GRAMD1B: variants seen among roughly 807,000 people sequenced by gnomAD.
GRAMD1B encodes the protein protein Aster-B.
GRAMD1B carries 37 observed loss-of-function variants against 99.7 expected under a neutral mutation model. The ratio of observed to expected loss-of-function variants is 0.37; its 90% CI spans 0.29 to 0.49. The LOEUF is 0.49. GRAMD1B is among the 20% of genes least tolerant of loss of function. The pLI is 0.98. For synonymous variants in GRAMD1B, 427 were observed against 387.6 expected (o/e 1.10, Z -1.19); for missense variants, 888 against 1,009.2 (o/e 0.88, Z 1.63).
At chr11:123,528,744 T>C (rs1447301148) in intron 2 of GRAMD1B, among the ~76,000 whole-genome samples, 1 of 152,226 alleles carries the variant, frequency 6.6e-6, no homozygotes, top group African/African-American at 2.4e-5. Context: ...TTAGTTAGAC[T>C]TTTAAAAGTG....
At chr11:123,601,021 T>C (rs1343735520) in intron 8 of GRAMD1B, among the ~76,000 whole-genome samples, 1 of 151,998 alleles carries the variant, frequency 6.6e-6, no homozygotes, top group Admixed American at 6.6e-5. Context: ...TTGAATAATT[T>C]TGGCAGGCTG....
At chr11:123,592,141 C>T (rs1209395620) in intron 4 of GRAMD1B, among the ~76,000 whole-genome samples, 1 of 152,162 alleles carries the variant, frequency 6.6e-6, no homozygotes, top group Non-Finnish European at 1.5e-5. Context: ...TCCTGGTCGG[C>T]TGCTCCTCAG....
At chr11:123,405,623 G>A (rs1947829310) in intron 1 of GRAMD1B, among the ~76,000 whole-genome samples, 1 of 152,152 alleles carries the variant, frequency 6.6e-6, no homozygotes, top group Admixed American at 6.5e-5. Flanking sequence ...TTGACAGTGG[G>A]AGATACGGCC....
intron 2 of GRAMD1B, among the ~76,000 whole-genome samples, chr11:123,527,293 G>A (rs1167706329): frequency 3.9e-5 from 6 of 152,176 alleles, no homozygotes; most frequent in Admixed American, 3.9e-4. Context: ...GCCACATTTG[G>A]CCTTCCAGGC....
intron 3 of GRAMD1B, among the ~76,000 whole-genome samples, chr11:123,583,573 T>C (rs1053267078): frequency 6.6e-6 from 1 of 152,148 alleles, no homozygotes; most frequent in Non-Finnish European, 1.5e-5. Flanking sequence ...CAAGGCACGA[T>C]CTTAGCTATC....
intron 1 of GRAMD1B, among the ~76,000 whole-genome samples, chr11:123,444,070 C>T (rs999566195): frequency 2.0e-5 from 3 of 151,998 alleles, no homozygotes; most frequent in East Asian, 2.0e-4. Flanking sequence ...GTATTCAGAC[C>T]TTTAAAAGGT....
intron 1 of GRAMD1B, among the ~76,000 whole-genome samples, chr11:123,370,875 G>A (rs1388440171): frequency 6.6e-6 from 1 of 152,116 alleles, no homozygotes; most frequent in South Asian, 2.1e-4. Flanking sequence ...CATGAGCAGC[G>A]AGTTGGGGTC....
intron 1 of GRAMD1B, among the ~76,000 whole-genome samples, chr11:123,412,055 T>C (rs974083810): frequency 3.3e-5 from 5 of 152,230 alleles, no homozygotes; most frequent in Non-Finnish European, 7.4e-5. Flanking sequence ...GTAATACATA[T>C]ACATACACAG....
intron 1 of GRAMD1B, among the ~76,000 whole-genome samples, chr11:123,396,282 C>G (rs1985916): frequency 0.55 from 77,790 of 140,888 alleles, 23,724 homozygotes; most frequent in African/African-American, 0.85. Context: ...TCTTCTTCTT[C>G]TTTTTTTTTT....
chr11:123,608,490 A>G (rs1953046179), intron 11 of GRAMD1B, 169 bp from the exon 12 acceptor site: 2 of 1,526,010 alleles, frequency 1.3e-6, no homozygotes, highest in African/African-American at 1.4e-5. Context: ...ACCGAAAGCA[A>G]AGTCATAAAC....
chr11:123,621,900 TTC>T (rs1955169336), intron 19 of GRAMD1B, among the ~76,000 whole-genome samples: 1 of 47,824 alleles, frequency 2.1e-5, no homozygotes, highest in Non-Finnish European at 4.6e-5. Context: ...TTCTTTCTTT[TTC>T]TCTTTCTTTC....
chr11:123,543,709 C>T (rs902604926), intron 2 of GRAMD1B, among the ~76,000 whole-genome samples: 4 of 152,208 alleles, frequency 2.6e-5, no homozygotes, highest in Non-Finnish European at 1.5e-5. Flanking sequence ...AAATAGGCTT[C>T]TGCCTCCATA....
chr11:123,609,460 G>C (rs935756329), intron 12 of GRAMD1B, among the ~76,000 whole-genome samples: 3 of 152,184 alleles, frequency 2.0e-5, no homozygotes, highest in African/African-American at 7.2e-5. Context: ...TTAGAGGAGA[G>C]GACTTGTTCC....
At chr11:123,381,285 G>C (rs568898739) in intron 1 of GRAMD1B, among the ~76,000 whole-genome samples, 1 of 152,180 alleles carries the variant, frequency 6.6e-6, no homozygotes, top group Non-Finnish European at 1.5e-5. Context: ...CTGCTGGGTG[G>C]GTTGTTTGGC....
chr11:123,414,237 G>T (rs1393625171), intron 1 of GRAMD1B, among the ~76,000 whole-genome samples: 1 of 152,078 alleles, frequency 6.6e-6, no homozygotes, highest in Non-Finnish European at 1.5e-5. Context: ...TAGAGACAGG[G>T]TTTTGCCATG....
chr11:123,530,376 T>C (rs1943228758), intron 2 of GRAMD1B, among the ~76,000 whole-genome samples: 1 of 152,146 alleles, frequency 6.6e-6, no homozygotes, highest in Non-Finnish European at 1.5e-5. Context: ...TAGATTTCTT[T>C]TGTCTTTTCT....
rs148877001 is a variant in GRAMD1B at position 123,591,038 on chromosome 11, TG to T, written c.685-3040del. 524 of 168,576 alleles carry T rather than the reference TG, an allele frequency of 3.1e-3. 6 individuals are homozygous for T. The highest frequency in any genetic ancestry group is 0.012 in the African/African-American group (507 of 42,314). The allele number at this position is 168,576 out of a possible 1,614,324, so 10.4% of individuals were successfully genotyped here. On this transcript the variant is annotated intron_variant, in intron 4 of 19. Coordinates refer to ENST00000635736, the MANE Select transcript of GRAMD1B (RefSeq NM_001387025.1). The surrounding 1 kb of genome is among the most constrained non-coding windows in gnomAD (Gnocchi z 4.7). ...ATGCCATCTGCATCCTCTGGACCCT[TG>T]GGGTGACTGTCTGCACTGACCAGGT...
chr11:123,526,263 G>A, intron 2 of GRAMD1B: 4 of 1,089,658 alleles, frequency 3.7e-6, no homozygotes, highest in South Asian at 2.6e-5. Context: ...CTTCATTGAT[G>A]CCATCTCACC....
intron 2 of GRAMD1B, chr11:123,560,769 G>A (rs1946678510): frequency 4.4e-6 from 2 of 451,184 alleles, no homozygotes; most frequent in Non-Finnish European, 8.9e-6. Context: ...TTTGGAAGCG[G>A]TGGCTCTGTC....
Sources: gnomAD v4.1 joint callset for allele counts (sites outside exome capture counted in the v4.1 genomes callset) on GRCh38, gnomAD v4.1.1 for gene constraint, Gnocchi (gnomAD v3.1) non-coding constraint, MANE v1.5 for transcripts, NCBI Gene and HGNC (gene_info 2026-07-23, HGNC 2026-07-21) for gene names.